RERG: variants seen among roughly 807,000 people sequenced by gnomAD.
The protein encoded by RERG is ras-related and estrogen-regulated growth inhibitor.
RERG carries 25 observed loss-of-function variants against 23.2 expected under a neutral mutation model. That is an observed-to-expected ratio of 1.08 (90% CI 0.79 to 1.50). RERG has a LOEUF of 1.50. RERG is among the 40% of genes most tolerant of loss of function. The pLI, the probability that RERG is intolerant of heterozygous loss-of-function variation, is 0.00. For missense variants in RERG, 253 were observed against 250.1 expected, an observed-to-expected ratio of 1.01 and a Z score of -0.08; for synonymous variants, 81 against 89.1, an observed-to-expected ratio of 0.91 and a Z score of 0.51.
chr12:15,212,889 T>G (rs565032545), intron 2 of RERG, among the ~76,000 whole-genome samples: 1 of 152,144 alleles, frequency 6.6e-6, no homozygotes, highest in East Asian at 1.9e-4. Flanking sequence ...AAAAAGCTTT[T>G]AAAAACTTCT....
intron 2 of RERG, among the ~76,000 whole-genome samples, chr12:15,178,153 T>G (rs1220357739): frequency 1.3e-5 from 2 of 152,304 alleles, no homozygotes; most frequent in East Asian, 3.9e-4. Flanking sequence ...CCTCTCATTT[T>G]AAATGTATAT....
At chr12:15,120,257 A>G (rs184395809) in intron 3 of RERG, among the ~76,000 whole-genome samples, 93 of 152,202 alleles carry the variant, frequency 6.1e-4, no homozygotes, top group Non-Finnish European at 6.8e-4. Flanking sequence ...ACTTATCGCT[A>G]TCTCACATAT....
intron 2 of RERG, among the ~76,000 whole-genome samples, chr12:15,152,501 G>A (rs1433604307): frequency 6.6e-6 from 1 of 152,170 alleles, no homozygotes; most frequent in Non-Finnish European, 1.5e-5. Context: ...CCACCTCCTA[G>A]AGATGGAGAG....
chr12:15,165,121 C>T (rs891007084), intron 2 of RERG, among the ~76,000 whole-genome samples: 2 of 152,106 alleles, frequency 1.3e-5, no homozygotes, highest in Non-Finnish European at 2.9e-5. Context: ...TTGCCTTGTC[C>T]GTGTGGCACT....
chr12:15,188,651 C>T (rs1382455985), intron 2 of RERG, among the ~76,000 whole-genome samples: 1 of 152,152 alleles, frequency 6.6e-6, no homozygotes, highest in Admixed American at 6.5e-5. Context: ...GTATCTAGCA[C>T]ATAACAGGTG....
At chr12:15,136,117 GT>G (rs1340221166) in intron 2 of RERG, among the ~76,000 whole-genome samples, 1 of 151,940 alleles carries the variant, frequency 6.6e-6, no homozygotes, top group Non-Finnish European at 1.5e-5. Flanking sequence ...TCTTGTGTGA[GT>G]TTGGTAGATT....
chr12:15,173,728 TA>T (rs1461425836), intron 2 of RERG, among the ~76,000 whole-genome samples: 4 of 151,948 alleles, frequency 2.6e-5, no homozygotes, highest in Admixed American at 6.6e-5. Context: ...TTATTCTTTT[TA>T]TTCTATTGTT....
intron 2 of RERG, among the ~76,000 whole-genome samples, chr12:15,199,088 T>G (rs945642181): frequency 6.6e-6 from 1 of 152,144 alleles, no homozygotes; most frequent in East Asian, 1.9e-4. Context: ...CTGTTTCACA[T>G]GCAAAATATA....
At chr12:15,208,948 TAA>T (rs60665602) in intron 2 of RERG, among the ~76,000 whole-genome samples, 47,013 of 147,972 alleles carry the variant, frequency 0.32, 7,365 homozygotes, top group Non-Finnish European at 0.33. Flanking sequence ...TACTGATACT[TAA>T]AAAAAAAAAA....
intron 2 of RERG, among the ~76,000 whole-genome samples, chr12:15,196,272 A>G (rs992958448): frequency 6.6e-5 from 10 of 152,168 alleles, no homozygotes; most frequent in Non-Finnish European, 1.5e-4. Context: ...GTATGGATGC[A>G]GCTCTATGGA....
intron 2 of RERG, among the ~76,000 whole-genome samples, chr12:15,124,428 T>G (rs980052128): frequency 1.9e-4 from 29 of 152,088 alleles, no homozygotes; most frequent in African/African-American, 6.3e-4. Context: ...CTAACACACA[T>G]GCTATTCCTT....
At position 15,109,066 on chromosome 12, in the gene RERG, G is replaced by C. The variant is rs1863549904; in HGVS notation, c.*44C>G. 6.8e-7 allele frequency: 1 copy of C among 1,481,086 alleles called. No homozygotes were observed. Among genetic ancestry groups the C allele is most frequent in the East Asian group, 2.3e-5 (1 of 43,104 alleles). 91.7% of individuals were successfully genotyped at this position (1,481,086 alleles called of 1,614,324 possible). ...TTTATTTTTGAAAGGGGAACAGAAG[G>C]GGAAGAGTGTTTCCAATTAGTTGGT... On this transcript the variant is annotated 3_prime_UTR_variant, in exon 5 of 5. Transcript: ENST00000256953.
intron 2 of RERG, among the ~76,000 whole-genome samples, chr12:15,201,557 T>C: frequency 6.7e-6 from 1 of 149,684 alleles, no homozygotes; most frequent in South Asian, 2.1e-4. Context: ...CTAATAATAG[T>C]AATTAATAAT....
intron 2 of RERG, among the ~76,000 whole-genome samples, chr12:15,153,373 T>C (rs911987123): frequency 3.9e-5 from 6 of 152,324 alleles, no homozygotes; most frequent in Non-Finnish European, 8.8e-5. Flanking sequence ...TTTGAATGTT[T>C]GAAATTGATG....
intron 2 of RERG, among the ~76,000 whole-genome samples, chr12:15,132,471 TTTTTGGCAATTATG>T (rs1864066110): frequency 2.0e-5 from 3 of 152,330 alleles, no homozygotes; most frequent in South Asian, 2.1e-4. Context: ...TTGCTCCCAG[TTTTTGGCAATTATG>T]TTTTGGCAAT....
chr12:15,204,670 C>T (rs1376582527), intron 2 of RERG, among the ~76,000 whole-genome samples: 3 of 151,908 alleles, frequency 2.0e-5, no homozygotes, highest in Admixed American at 6.6e-5. Flanking sequence ...AAAGGCCTCC[C>T]CAAATATTTC....
intron 2 of RERG, among the ~76,000 whole-genome samples, chr12:15,155,476 C>A (rs1342608624): frequency 6.6e-6 from 1 of 152,188 alleles, no homozygotes; most frequent in Non-Finnish European, 1.5e-5. Flanking sequence ...CCTGCTGACA[C>A]AGGCCCAGCT....
intron 2 of RERG, among the ~76,000 whole-genome samples, chr12:15,211,980 T>C (rs17762416): frequency 0.013 from 2,029 of 151,760 alleles, 28 homozygotes; most frequent in Middle Eastern, 0.031. Context: ...CCGAGGCTAC[T>C]TCTTATATCT....
rs538090180 is a variant in RERG, at chr12:15,169,469, A to T, written c.61+47960T>A. ...CTCTGCCTGATTGCTTGAGCTGAACATTGATCTCCTCCTCCTCTTGGCACT... is the reference window on the plus strand; with the variant it reads ...CTCTGCCTGATTGCTTGAGCTGAACTTTGATCTCCTCCTCCTCTTGGCACT... On this transcript the variant is annotated intron_variant, in intron 2 of 4. Coordinates refer to ENST00000256953, the MANE Select transcript of RERG (RefSeq NM_032918.3). Among the ~76,000 whole-genome samples, 45 of 152,298 alleles carry T rather than the reference A, an allele frequency of 3.0e-4. No individual in the cohort carries two copies. In the South Asian group the frequency reaches 9.1e-3, roughly 31 times the overall value.
Sources: gnomAD v4.1 joint callset for allele counts (sites outside exome capture counted in the v4.1 genomes callset) on GRCh38, gnomAD v4.1.1 for gene constraint, MANE v1.5 for transcripts, NCBI Gene and HGNC (gene_info 2026-07-23, HGNC 2026-07-21) for gene names.